The following ATF1 variants were observed in gnomAD, a reference collection of about 807,000 sequenced individuals.
The protein encoded by ATF1 is cyclic AMP-dependent transcription factor ATF-1.
ATF1 carries 16 observed loss-of-function variants against 34.7 expected under a neutral mutation model. The ratio of observed to expected loss-of-function variants is 0.46; its 90% CI spans 0.31 to 0.70. The LOEUF is 0.70. Among genes scored for constraint, ATF1 ranks in the 30% least tolerant of loss-of-function variants. The pLI is 0.05. For missense variants in ATF1, 255 were observed against 321.6 expected, an observed-to-expected ratio of 0.79 and a Z score of 1.58; for synonymous variants, 105 against 113.1, an observed-to-expected ratio of 0.93 and a Z score of 0.46.
At chr12:50,786,455 A>G (rs963333988) in intron 2 of ATF1, among the ~76,000 whole-genome samples, 3 of 152,134 alleles carry the variant, frequency 2.0e-5, no homozygotes, top group Non-Finnish European at 2.9e-5. Flanking sequence ...AAGACAGTTC[A>G]TACCCTCTTG....
chr12:50,809,191 T>C (rs1335351499), intron 3 of ATF1, among the ~76,000 whole-genome samples: 1 of 151,906 alleles, frequency 6.6e-6, no homozygotes, highest in Non-Finnish European at 1.5e-5. Context: ...CTGGCCAACA[T>C]GGTGAAACCC....
At chr12:50,789,256 CGGG>C (rs747008032) in intron 2 of ATF1, among the ~76,000 whole-genome samples, 1 of 151,842 alleles carries the variant, frequency 6.6e-6, no homozygotes, top group African/African-American at 2.4e-5. Flanking sequence ...TTAGTAGAGA[CGGG>C]GGTTTCGCCA....
chr12:50,777,417 T>A (rs1940951121), intron 1 of ATF1, among the ~76,000 whole-genome samples: 1 of 152,218 alleles, frequency 6.6e-6, no homozygotes, highest in African/African-American at 2.4e-5. Flanking sequence ...AACTACTTTC[T>A]GTCTGAAGCG....
Position 50,809,393 on chromosome 12 carries a change from AAATT to A in ATF1, c.195-61_195-58del, listed in dbSNP as rs2139688629. ...TGTCTCAAAAAAAAAAAAAAAAAAA[AAATT>A]ATTTTTGTGAAGTCATTCACATTAC... is the stretch of plus-strand genomic sequence containing the variant. On this transcript the variant is annotated intron_variant, in intron 3 of 6. Transcript: ENST00000262053. 6.4e-5 allele frequency: 80 copies of A among 1,245,228 alleles called. 2 individuals carry two copies. The highest frequency in any genetic ancestry group is 8.9e-5 in the South Asian group (6 of 67,792). 77.1% of individuals were successfully genotyped at this position (1,245,228 alleles called of 1,614,324 possible). A position where few individuals can be genotyped will look rare whatever the true frequency, so the allele number is the denominator to read the frequency against.
intron 4 of ATF1, among the ~76,000 whole-genome samples, chr12:50,811,135 G>T (rs1206999534): frequency 6.6e-6 from 1 of 152,104 alleles, no homozygotes; most frequent in African/African-American, 2.4e-5. Context: ...TGCCTGGCAT[G>T]TTCTTCCCCC....
At chr12:50,771,942 C>T (rs1164284582) in intron 1 of ATF1, among the ~76,000 whole-genome samples, 1 of 152,198 alleles carries the variant, frequency 6.6e-6, no homozygotes, top group South Asian at 2.1e-4. Flanking sequence ...GAAAAATCCA[C>T]CCCTTGTTTA....
Position 50,819,646 on chromosome 12 carries a change from G to A in ATF1, c.683G>A (p.Arg228Gln), listed in dbSNP as rs770407360. The A allele has an allele frequency of 3.7e-6, 6 of 1,612,554 alleles. No individual in the cohort carries two copies. The highest frequency in any genetic ancestry group is 2.2e-5 in the South Asian group (2 of 90,356). ...IRLMKNREAA[R>Q]ECRRKKKEYV... ...ATGCTCATATTTAGAGAAGCTGCTC[G>A]AGAATGTCGCAGAAAGAAGAAAGAA... The change falls in exon 7 of 7, where the codon CGA becomes CAA. Residue 228 changes from arginine (R) to glutamine (Q), a missense_variant. Physicochemically the swap from Arg to Gln is conservative, Grantham distance 43. This residue lies in a region of ATF1 where 34 missense variants were observed against 70.8 expected (regional missense o/e 0.48). Transcript: ENST00000262053.
At chr12:50,774,848 C>T (rs987237059) in intron 1 of ATF1, among the ~76,000 whole-genome samples, 6 of 150,776 alleles carry the variant, frequency 4.0e-5, no homozygotes, top group Admixed American at 6.6e-5. Flanking sequence ...CCCGGGTTCA[C>T]GCCATTCTCC....
At chr12:50,780,314 T>G (rs942371846) in intron 2 of ATF1, 76 bp downstream of exon 2, 53 of 1,295,018 alleles carry the variant, frequency 4.1e-5, no homozygotes, top group Non-Finnish European at 5.4e-5. Flanking sequence ...TTCAGACTGA[T>G]TATTAATGTG....
At chr12:50,816,563 G>A (rs1479418725) in intron 6 of ATF1, among the ~76,000 whole-genome samples, 1 of 152,022 alleles carries the variant, frequency 6.6e-6, no homozygotes, top group East Asian at 1.9e-4. Context: ...ATTTTCTCAT[G>A]TGCTCCATAA....
intron 2 of ATF1, among the ~76,000 whole-genome samples, chr12:50,787,116 AG>A (rs1376676111): frequency 1.3e-5 from 2 of 152,196 alleles, no homozygotes; most frequent in African/African-American, 2.4e-5. Flanking sequence ...CCTAGTGAAG[AG>A]GTGTACTCTC....
chr12:50,816,190 G>C (rs991279842), intron 6 of ATF1, among the ~76,000 whole-genome samples: 4 of 152,082 alleles, frequency 2.6e-5, no homozygotes, highest in African/African-American at 9.7e-5. Context: ...AGCCAGGCAT[G>C]GTGGCGTGTG....
chr12:50,768,092 C>T (rs558595103), intron 1 of ATF1, among the ~76,000 whole-genome samples: 112 of 152,202 alleles, frequency 7.4e-4, no homozygotes, highest in African/African-American at 2.6e-3. Context: ...AGGCTGGTCT[C>T]GAACTCCTGA....
chr12:50,773,514 A>G (rs1156887134), intron 1 of ATF1, among the ~76,000 whole-genome samples: 3 of 145,812 alleles, frequency 2.1e-5, no homozygotes, highest in African/African-American at 7.6e-5. Context: ...CAGTGGCACA[A>G]TCTTGGCTCA....
At chr12:50,803,514 T>C (rs1297338671) in intron 3 of ATF1, among the ~76,000 whole-genome samples, 1 of 143,686 alleles carries the variant, frequency 7.0e-6, no homozygotes, top group Non-Finnish European at 1.5e-5. Flanking sequence ...AAAAAAAAAA[T>C]AGTACAGTTG....
Position 50,780,285 on chromosome 12 carries a change from A to G in ATF1, c.93+47A>G, listed in dbSNP as rs545001764. 2.8e-6 allele frequency: 4 copies of G among 1,430,408 alleles called. No individual in the cohort carries two copies. In the South Asian group the frequency reaches 3.6e-5, roughly 13 times the overall value. 88.6% of individuals were successfully genotyped at this position (1,430,408 alleles called of 1,614,324 possible). A position where few individuals can be genotyped will look rare whatever the true frequency, so the allele number is the denominator to read the frequency against. On this transcript the variant is annotated intron_variant, in intron 2 of 6. Transcript: ENST00000262053. ...ATACTGAGCTTGTTAGGAATATTTT[A>G]TATGCAGATTAATCTCGTTTCAGAC... is the stretch of plus-strand genomic sequence containing the variant.
chr12:50,763,724 G>T (rs1940549044), upstream of ATF1: 1 of 151,694 alleles, frequency 6.6e-6, no homozygotes. Context: ...GCCGGCGTCG[G>T]TCAAGGTCAA....
chr12:50,780,261 T>TA, intron 2 of ATF1, 23 bp downstream of exon 2: 1 of 1,524,292 alleles, frequency 6.6e-7, no homozygotes, highest in South Asian at 1.1e-5. Flanking sequence ...CTGGCCAAAA[T>TA]ACTGAGCTTG....
At position 50,809,475 on chromosome 12, in the gene ATF1, T is replaced by C. The variant is rs1941689289; in HGVS notation, c.214T>C (p.Ser72Pro). 19 of 1,612,752 alleles carry C rather than the reference T, an allele frequency of 1.2e-5. No homozygotes were observed. Among genetic ancestry groups the C allele is most frequent in the Non-Finnish European group, 1.5e-5 (18 of 1,179,226 alleles). Residue 72 changes from serine to proline, a missense_variant, in exon 4 of 7, where the codon TCT (serine) becomes CCT (proline). Ser to Pro is a moderately conservative substitution (Grantham distance 74). This residue lies in a region of ATF1 where 221 missense variants were observed against 250.7 expected (regional missense o/e 0.88). Coordinates refer to ENST00000262053, the MANE Select transcript of ATF1 (RefSeq NM_005171.5). The part of the protein sequence containing the change: ...PSYRKILKDL[S>P]SEDTRGRKGD... ...TTACAGAAAAATTTTGAAAGACTTA[T>C]CTTCTGAAGATACACGGGGCAGAAA...
Sources: allele counts gnomAD v4.1 joint callset (sites outside exome capture counted in the v4.1 genomes callset), GRCh38; gene constraint gnomAD v4.1.1; regional missense constraint gnomAD v4.1.1; transcripts MANE v1.5; gene names NCBI Gene and HGNC (gene_info 2026-07-23, HGNC 2026-07-21).